The following CAMTA1 variants were observed in gnomAD, a reference collection of about 807,000 sequenced individuals.
CAMTA1 encodes calmodulin binding transcription activator 1.
Under a neutral mutation model 170.9 loss-of-function variants are expected in CAMTA1, and 27 were observed. The observed-to-expected ratio is 0.16, with a 90% CI of 0.12 to 0.22. The LOEUF is 0.22. CAMTA1 is among the 10% of genes least tolerant of loss of function. The probability of loss-of-function intolerance (pLI) is 1.00; values close to 1 mark genes in which losing one functional copy is unlikely to be tolerated. For synonymous variants in CAMTA1, 833 were observed against 891.5 expected (o/e 0.93, Z 1.17); for missense variants, 1,619 against 2,217.2 (o/e 0.73, Z 5.42).
At chr1:7,421,618 C>T (rs780344315) in intron 5 of CAMTA1, among the ~76,000 whole-genome samples, 1 of 152,158 alleles carries the variant, frequency 6.6e-6, no homozygotes, top group Non-Finnish European at 1.5e-5. Context: ...AACGGCCTCC[C>T]CCTCTTGGGC....
At chr1:6,894,273 T>G (rs1259657993) in intron 3 of CAMTA1, among the ~76,000 whole-genome samples, 1 of 152,222 alleles carries the variant, frequency 6.6e-6, no homozygotes, top group Non-Finnish European at 1.5e-5. Flanking sequence ...CTGGGAAGTT[T>G]GTTTTAAGGA....
At chr1:7,298,328 C>G (rs573677790) in intron 5 of CAMTA1, among the ~76,000 whole-genome samples, 25 of 1,428 alleles carry the variant, frequency 0.018, no homozygotes, top group Admixed American at 0.025. Flanking sequence ...ATCCACCCCC[C>G]ACCCCGCAGG....
intron 5 of CAMTA1, among the ~76,000 whole-genome samples, chr1:7,276,303 A>ATATATATATATATTT: frequency 8.3e-5 from 2 of 24,226 alleles, no homozygotes; most frequent in African/African-American, 6.0e-4. Flanking sequence ...ATATATATAT[A>ATATATATATATATTT]TTTTTTTTTT....
At chr1:6,875,904 T>G (rs1669703941) in intron 3 of CAMTA1, among the ~76,000 whole-genome samples, 1 of 152,266 alleles carries the variant, frequency 6.6e-6, no homozygotes, top group Non-Finnish European at 1.5e-5. Context: ...TATGGATCTG[T>G]GCTTCTGGAG....
At chr1:7,395,721 C>A (rs75644008) in intron 5 of CAMTA1, among the ~76,000 whole-genome samples, 1,670 of 152,172 alleles carry the variant, frequency 0.011, 35 homozygotes, top group African/African-American at 0.039. Flanking sequence ...GATATCTTTT[C>A]ATTTATTTGT....
At chr1:7,716,771 T>A (rs1186988490) in intron 11 of CAMTA1, among the ~76,000 whole-genome samples, 2 of 152,148 alleles carry the variant, frequency 1.3e-5, no homozygotes, top group African/African-American at 2.4e-5. Context: ...CACCACTGCG[T>A]CTGTAGCCAA....
chr1:7,449,436 G>A (rs1025435516), intron 5 of CAMTA1, among the ~76,000 whole-genome samples: 1 of 152,164 alleles, frequency 6.6e-6, no homozygotes, highest in African/African-American at 2.4e-5. Flanking sequence ...AGAGCCCTCT[G>A]ACCTCGTCTT....
At chr1:7,098,953 G>A (rs1558093635) in intron 4 of CAMTA1, among the ~76,000 whole-genome samples, 1 of 152,150 alleles carries the variant, frequency 6.6e-6, no homozygotes, top group Non-Finnish European at 1.5e-5. Flanking sequence ...CCGGTGTCCT[G>A]GAGGAGCCAA....
At chr1:6,969,881 A>G (rs1692232808) in intron 3 of CAMTA1, among the ~76,000 whole-genome samples, 1 of 152,214 alleles carries the variant, frequency 6.6e-6, no homozygotes, top group African/African-American at 2.4e-5. Context: ...CCTTTCTGCA[A>G]TGGCTTCATC....
chr1:7,724,181 C>G (rs1323823084), intron 11 of CAMTA1, among the ~76,000 whole-genome samples: 6 of 152,144 alleles, frequency 3.9e-5, no homozygotes, highest in Non-Finnish European at 1.5e-5. Context: ...TCCAAGGACA[C>G]TAAGGAGACT....
intron 3 of CAMTA1, among the ~76,000 whole-genome samples, chr1:6,940,924 CA>C (rs375371640): frequency 2.7e-5 from 2 of 75,224 alleles, no homozygotes; most frequent in African/African-American, 1.3e-4. Flanking sequence ...GGGATCCTCA[CA>C]GGGAAAGGGG....
At chr1:7,470,313 C>T (rs754556150) in intron 6 of CAMTA1, among the ~76,000 whole-genome samples, 5 of 152,230 alleles carry the variant, frequency 3.3e-5, no homozygotes, top group Non-Finnish European at 7.3e-5. Flanking sequence ...ATGTGGCAGC[C>T]GGTGCCGCTC....
At chr1:7,429,584 T>C (rs1457784397) in intron 5 of CAMTA1, among the ~76,000 whole-genome samples, 1 of 151,904 alleles carries the variant, frequency 6.6e-6, no homozygotes, top group Non-Finnish European at 1.5e-5. Flanking sequence ...ATGGTGATGC[T>C]GGTGGCAGTG....
At chr1:7,431,718 C>T (rs1428720187) in intron 5 of CAMTA1, among the ~76,000 whole-genome samples, 1 of 152,182 alleles carries the variant, frequency 6.6e-6, no homozygotes, top group Non-Finnish European at 1.5e-5. Context: ...GAATTCCTGC[C>T]CCTGCTCCCT....
chr1:7,087,057 G>A (rs1429237411), intron 3 of CAMTA1, among the ~76,000 whole-genome samples: 2 of 152,192 alleles, frequency 1.3e-5, no homozygotes, highest in East Asian at 3.9e-4. Flanking sequence ...TGCTGAGCTT[G>A]GACAAGTGCT....
intron 4 of CAMTA1, among the ~76,000 whole-genome samples, chr1:7,101,670 A>C (rs1161852996): frequency 1.3e-5 from 2 of 152,242 alleles, no homozygotes; most frequent in Non-Finnish European, 2.9e-5. Flanking sequence ...ATACACACAC[A>C]GCACACATGT....
chr1:7,429,901 TA>T (rs1380455903), intron 5 of CAMTA1, among the ~76,000 whole-genome samples: 1 of 151,972 alleles, frequency 6.6e-6, no homozygotes, highest in Non-Finnish European at 1.5e-5. Flanking sequence ...GGGGAGGTGC[TA>T]CACACTTTTA....
intron 4 of CAMTA1, among the ~76,000 whole-genome samples, chr1:7,228,322 G>T (rs1036662953): frequency 6.6e-6 from 1 of 152,234 alleles, no homozygotes; most frequent in Admixed American, 6.5e-5. Flanking sequence ...TCCGGACTCA[G>T]CCGGGCATGG....
intron 3 of CAMTA1, among the ~76,000 whole-genome samples, chr1:7,031,706 A>T (rs897317017): frequency 6.6e-6 from 1 of 151,804 alleles, no homozygotes; most frequent in Non-Finnish European, 1.5e-5. Flanking sequence ...TGCCCAGCTA[A>T]TTTTTTTGTA....
Sources: gnomAD v4.1 joint callset for allele counts (sites outside exome capture counted in the v4.1 genomes callset) on GRCh38, gnomAD v4.1.1 for gene constraint, MANE v1.5 for transcripts, NCBI Gene and HGNC (gene_info 2026-07-23, HGNC 2026-07-21) for gene names.